The following KLHDC1 variants were observed in gnomAD, a reference collection of about 807,000 sequenced individuals.
KLHDC1 encodes kelch domain containing 1, also known as kelch domain-containing protein 1.
Under a neutral mutation model 68.3 loss-of-function variants are expected in KLHDC1, and 53 were observed. That is an observed-to-expected ratio of 0.78 (90% confidence interval 0.62 to 0.98). KLHDC1 has a LOEUF of 0.98. KLHDC1 is among the 50% of genes least tolerant of loss of function. The pLI, the probability that KLHDC1 is intolerant of heterozygous loss-of-function variation, is 0.00. For synonymous variants in KLHDC1, 148 were observed against 159.0 expected (o/e 0.93, Z 0.52); for missense variants, 470 against 492.3 (o/e 0.95, Z 0.43).
chr14:49,732,619 A>ATTTT, intron 8 of KLHDC1, 85 bp from the exon 9 acceptor site: 2 of 417,990 alleles, frequency 4.8e-6, no homozygotes, highest in South Asian at 5.0e-5. Context: ...GTGAGGGCAG[A>ATTTT]TTTTTTTTTT....
rs755822092 is a variant in KLHDC1 at position 49,751,795 on chromosome 14, T to C, written c.*23T>C. ...TAAATTGTTATATACTTTACATATT[T>C]AGTATGTTTTAACTTTTTAATCAGA... On this transcript the variant is annotated 3_prime_UTR_variant, in exon 13 of 13. Coordinates refer to ENST00000359332, the MANE Select transcript of KLHDC1 (RefSeq NM_172193.3). 18 of 1,279,532 alleles carry C rather than the reference T, an allele frequency of 1.4e-5. No individual in the cohort carries two copies. The South Asian group carries it at 2.7e-4, about 19-fold the overall frequency. 79.3% of individuals were successfully genotyped at this position (1,279,532 alleles called of 1,614,324 possible). A position where few individuals can be genotyped will look rare whatever the true frequency, so the allele number is the denominator to read the frequency against.
intron 4 of KLHDC1, among the ~76,000 whole-genome samples, chr14:49,718,769 C>CTTTTTTT (rs71115397): frequency 4.0e-4 from 31 of 76,820 alleles, no homozygotes; most frequent in African/African-American, 1.1e-3. Flanking sequence ...TTCTTTCTTT[C>CTTTTTTT]TTTTTTTTTT....
intron 1 of KLHDC1, among the ~76,000 whole-genome samples, chr14:49,702,540 T>C (rs1887937225): frequency 6.6e-6 from 1 of 152,010 alleles, no homozygotes; most frequent in Non-Finnish European, 1.5e-5. Flanking sequence ...ATGACCAGAA[T>C]ATAAACCACC....
intron 3 of KLHDC1, 119 bp from the exon 4 acceptor site, chr14:49,710,144 G>C: frequency 1.7e-6 from 1 of 574,828 alleles, no homozygotes; most frequent in Non-Finnish European, 3.1e-6. Context: ...AATTTTAATA[G>C]GTAACAAGCT....
At chr14:49,728,277 T>G in intron 6 of KLHDC1, among the ~76,000 whole-genome samples, 1 of 152,302 alleles carries the variant, frequency 6.6e-6, no homozygotes, top group East Asian at 1.9e-4. Flanking sequence ...GAGCCGAGAT[T>G]GTGCCATTGC....
At chr14:49,719,577 C>T (rs1320830612) in intron 4 of KLHDC1, among the ~76,000 whole-genome samples, 4 of 151,626 alleles carry the variant, frequency 2.6e-5, no homozygotes, top group African/African-American at 9.7e-5. Flanking sequence ...TACAGACATG[C>T]ACTACCATGC....
At chr14:49,705,110 G>A (rs1215250754) in intron 1 of KLHDC1, among the ~76,000 whole-genome samples, 1 of 152,120 alleles carries the variant, frequency 6.6e-6, no homozygotes, top group Non-Finnish European at 1.5e-5. Context: ...AAAAGGAGGA[G>A]TTAGGCAAAC....
chr14:49,712,693 C>T (rs1451196723), intron 4 of KLHDC1, among the ~76,000 whole-genome samples: 1 of 151,366 alleles, frequency 6.6e-6, no homozygotes, highest in East Asian at 2.0e-4. Context: ...TTAGTAGAGA[C>T]GAGGTTTCAC....
chr14:49,750,672 A>T (rs1889301976), intron 12 of KLHDC1, among the ~76,000 whole-genome samples: 1 of 152,234 alleles, frequency 6.6e-6, no homozygotes, highest in Admixed American at 6.5e-5. Flanking sequence ...ATTAAAGTTT[A>T]TTAATTGAAA....
In KLHDC1 at chr14:49,729,016, G is replaced by C; in HGVS notation, c.651+7G>C. On this transcript the variant is annotated splice_region_variant and intron_variant, in intron 7 of 12. Transcript: ENST00000359332. Reference sequence around the variant, plus strand: ...CTTTGGCGGACGTGTTCTGGTTAGTGTTTTTAATGGAAATGGTATTTTTAT... The same window carrying C: ...CTTTGGCGGACGTGTTCTGGTTAGTCTTTTTAATGGAAATGGTATTTTTAT... 6.3e-7 allele frequency: 1 copy of C among 1,588,088 alleles called. No individual in the cohort carries two copies. The highest frequency in any genetic ancestry group is 8.6e-7 in the Non-Finnish European group (1 of 1,156,824).
Position 49,693,221 on chromosome 14 carries a change from G to C in KLHDC1, c.27G>C (p.Val9=). ...TGGCGGACTCTCAGCTGTTCTGTGT[G>C]GCGGAGGAACGCAGCGGCCACTGCG... MADSQLFC[V]AEERSGHCAV... The change falls in exon 1 of 13, where the codon GTG becomes GTC. Residue 9 remains valine (V), a synonymous_variant. Transcript: ENST00000359332. 1.3e-6 allele frequency: 2 copies of C among 1,577,568 alleles called. No individual in the cohort carries two copies. The highest frequency in any genetic ancestry group is 8.6e-7 in the Non-Finnish European group (1 of 1,163,888).
chr14:49,748,711 A>T (rs867433084), intron 12 of KLHDC1, among the ~76,000 whole-genome samples: 1 of 151,964 alleles, frequency 6.6e-6, no homozygotes, highest in Admixed American at 6.6e-5. Context: ...CCTATGAGCC[A>T]TCGTAGGGGG....
At chr14:49,701,295 G>A (rs1309339800) in intron 1 of KLHDC1, among the ~76,000 whole-genome samples, 3 of 152,148 alleles carry the variant, frequency 2.0e-5, no homozygotes, top group Non-Finnish European at 4.4e-5. Flanking sequence ...AATACTGGAA[G>A]AGAATATATG....
chr14:49,702,293 C>A (rs187118097), intron 1 of KLHDC1, among the ~76,000 whole-genome samples: 3 of 151,888 alleles, frequency 2.0e-5, no homozygotes, highest in African/African-American at 7.2e-5. Context: ...TGAGGTTTTT[C>A]TTCTCCAATT....
Position 49,705,373 on chromosome 14 carries a change from T to TTTTTTTTC in KLHDC1, c.97-3779_97-3778insCTTTTTTT, listed in dbSNP as rs1888023228. Among the ~76,000 whole-genome samples the TTTTTTTTC allele has an allele frequency of 1.8e-5, 2 of 111,696 alleles. 1 individual carries two copies. Among genetic ancestry groups the TTTTTTTTC allele is most frequent in the Non-Finnish European group, 3.8e-5 (2 of 53,024 alleles). 73.3% of individuals were successfully genotyped at this position (111,696 alleles called of 152,430 possible). On this transcript the variant is annotated intron_variant, in intron 1 of 12. Transcript: ENST00000359332. ...ATAATATTTCTTTCTTTCTTTTTTT[T>TTTTTTTTC]TTTTTTTTTTTTTGAGATGGAGTCT...
intron 4 of KLHDC1, among the ~76,000 whole-genome samples, chr14:49,718,000 C>T (rs1041265071): frequency 6.6e-6 from 1 of 152,062 alleles, no homozygotes; most frequent in African/African-American, 2.4e-5. Context: ...AGTCCTTCCA[C>T]CTCAGCCTCC....
intron 12 of KLHDC1, among the ~76,000 whole-genome samples, chr14:49,749,219 A>G (rs1889267516): frequency 6.6e-6 from 1 of 151,890 alleles, no homozygotes; most frequent in African/African-American, 2.4e-5. Context: ...GTCATTGGAA[A>G]CCTCAGCAAG....
rs1337394806 is a variant in KLHDC1 at position 49,709,826 on chromosome 14, A to G, written c.285A>G (p.Arg95=). The G allele has an allele frequency of 2.0e-6, 3 of 1,498,442 alleles. No homozygotes were observed. The highest frequency in any genetic ancestry group is 2.7e-6 in the Non-Finnish European group (3 of 1,097,914). 92.8% of individuals were successfully genotyped at this position (1,498,442 alleles called of 1,614,324 possible). A position where few individuals can be genotyped will look rare whatever the true frequency, so the allele number is the denominator to read the frequency against. ...GGYDDKGYSN[R]LYFVNLRTRD... is the part of the protein sequence containing the mutation. The stretch of plus-strand genomic sequence containing the variant: ...ATGATGACAAAGGATACAGCAATCG[A>G]GTAATAATTTCTTTAATTCAAGAGT... The change falls in exon 3 of 13, where the codon CGA becomes CGG. Residue 95 remains arginine (R), a splice_region_variant and synonymous_variant. Coordinates refer to ENST00000359332, the MANE Select transcript of KLHDC1 (RefSeq NM_172193.3).
chr14:49,747,852 G>A (rs1274946285), intron 12 of KLHDC1, among the ~76,000 whole-genome samples: 2 of 152,140 alleles, frequency 1.3e-5, no homozygotes, highest in African/African-American at 2.4e-5. Context: ...CAGCTGGGTC[G>A]CAGGTGCAGA....
Sources: gnomAD v4.1 joint callset for allele counts (sites outside exome capture counted in the v4.1 genomes callset) on GRCh38, gnomAD v4.1.1 for gene constraint, MANE v1.5 for transcripts, NCBI Gene and HGNC (gene_info 2026-07-23, HGNC 2026-07-21) for gene names.